POTEB3: variants seen among roughly 807,000 people sequenced by gnomAD.
The protein encoded by POTEB3 is ANKRD26-like family B member 1.
A neutral mutation model predicts 39.8 loss-of-function variants in POTEB3; 5 were observed. That is an observed-to-expected ratio of 0.13 (90% CI 0.07 to 0.26). POTEB3 has a LOEUF of 0.26. POTEB3 is among the 10% of genes least tolerant of loss of function. POTEB3 has a pLI of 1.00. For missense variants in POTEB3, 24 were observed against 475.6 expected (o/e 0.05, Z 8.83); for synonymous variants, 5 against 161.5 (o/e 0.03, Z 7.35).
chr15:21,426,085 CA>C (rs1349533487), intron 6 of POTEB3: 2 of 381,544 alleles, frequency 5.2e-6, no homozygotes, highest in Non-Finnish European at 5.1e-6. Context: ...TTGGTACTAG[CA>C]AAAGTGAACT....
chr15:21,425,960 TTTCCCA>T (rs1166688723), intron 6 of POTEB3: 1 of 253,996 alleles, frequency 3.9e-6, no homozygotes, highest in Non-Finnish European at 7.9e-6. Flanking sequence ...ACCTGGTAAA[TTTCCCA>T]TGGCCCACAG....
rs1173746782 is a variant in POTEB3 at position 21,439,950 on chromosome 15, C to G, written c.62G>C (p.Arg21Thr). Reference protein sequence around the residue: ...ASAVKKPFDLRSKMGKWCHHR... With the variant: ...ASAVKKPFDLTSKMGKWCHHR... ...GTGGCACCACTTGCCCATCTTGCTCCTGAGATCAAATGGCTTCTTCACAGC... is the reference window on the plus strand; with the variant it reads ...GTGGCACCACTTGCCCATCTTGCTCGTGAGATCAAATGGCTTCTTCACAGC... The change falls in exon 1 of 11, where the codon AGG becomes ACG. Residue 21 changes from arginine to threonine, a missense_variant. Coordinates refer to ENST00000611217, the MANE Select transcript of POTEB3 (RefSeq NM_207355.5). The G allele has an allele frequency of 1.2e-6, 2 of 1,609,242 alleles. No individual in the cohort carries two copies. The highest frequency in any genetic ancestry group is 1.7e-6 in the Non-Finnish European group (2 of 1,177,462).
At position 21,422,848 on chromosome 15, in the gene POTEB3, A is replaced by T. The variant is rs1335701196; in HGVS notation, c.1127-658T>A. ...GATTAACTGCCTTTGTTCTGCTTCT[A>T]TAAGTTTGCCTATATAAGCCAAGCC... is the stretch of plus-strand genomic sequence containing the variant. On this transcript the variant is annotated intron_variant, in intron 6 of 10. Coordinates refer to ENST00000611217, the MANE Select transcript of POTEB3 (RefSeq NM_207355.5). Among the ~76,000 whole-genome samples the T allele has an allele frequency of 2.0e-3, 298 of 150,576 alleles. 1 individual carries two copies. The highest frequency in any genetic ancestry group is 6.6e-3 in the African/African-American group (269 of 40,630).
intron 8 of POTEB3, among the ~76,000 whole-genome samples, chr15:21,419,898 G>A (rs1898466432): frequency 1.5e-5 from 2 of 134,610 alleles, no homozygotes; most frequent in Non-Finnish European, 3.2e-5. Flanking sequence ...TTCAAAAAGG[G>A]CCCTCCTTCA....
intron 9 of POTEB3, 71 bp from the exon 10 acceptor site, chr15:21,411,072 C>T: frequency 9.8e-7 from 1 of 1,021,608 alleles, no homozygotes; most frequent in East Asian, 4.2e-5. Flanking sequence ...AAGATGGCAC[C>T]ATCAGATGTC....
intron 6 of POTEB3, among the ~76,000 whole-genome samples, chr15:21,422,786 C>T (rs1222522452): frequency 2.2e-4 from 34 of 151,550 alleles, no homozygotes; most frequent in Non-Finnish European, 3.0e-4. Context: ...GCTGCAAGGT[C>T]GCAAGCTATG....
In POTEB3 at chr15:21,419,817, G is replaced by A. The variant is rs1251632434; in HGVS notation, c.1243-187C>T. Reference sequence around the variant, plus strand: ...TTAAGATGTAATTATCATGTCATTAGTATATCACTGAAATTTTTGTAGTTT... The same window carrying A: ...TTAAGATGTAATTATCATGTCATTAATATATCACTGAAATTTTTGTAGTTT... On this transcript the variant is annotated intron_variant, in intron 8 of 10. Coordinates refer to ENST00000611217, the MANE Select transcript of POTEB3 (RefSeq NM_207355.5). Among the ~76,000 whole-genome samples, 15 of 140,308 alleles carry A rather than the reference G, an allele frequency of 1.1e-4. 1 individual carries two copies. Among genetic ancestry groups the A allele is most frequent in the Admixed American group, 5.7e-4 (8 of 14,006 alleles). The allele number at this position is 140,308 out of a possible 152,430, so 92.0% of individuals were successfully genotyped here. A position where few individuals can be genotyped will look rare whatever the true frequency, so the allele number is the denominator to read the frequency against.
intron 3 of POTEB3, among the ~76,000 whole-genome samples, chr15:21,432,591 G>T (rs202154851): frequency 2.5e-4 from 10 of 39,774 alleles, no homozygotes; most frequent in Non-Finnish European, 3.4e-4. Context: ...ACAATTCTGA[G>T]AAAACTCTGC....
At position 21,405,772 on chromosome 15, in the gene POTEB3, G is replaced by A. The variant is rs1898218080; in HGVS notation, c.*3211C>T. ...TTAATTTTGCTGGACATGAAATTCC[G>A]GGTTGAAATTTCTTTTCTTTAAGAT... On this transcript the variant is annotated 3_prime_UTR_variant, in exon 11 of 11. Coordinates refer to ENST00000611217, the MANE Select transcript of POTEB3 (RefSeq NM_207355.5). Among the ~76,000 whole-genome samples, 5 of 83,376 alleles carry A rather than the reference G, an allele frequency of 6.0e-5. 1 individual carries two copies. The highest frequency in any genetic ancestry group is 2.9e-4 in the Admixed American group (3 of 10,236). The allele number at this position is 83,376 out of a possible 152,430, so 54.7% of individuals were successfully genotyped here. A position where few individuals can be genotyped will look rare whatever the true frequency, so the allele number is the denominator to read the frequency against.
intron 10 of POTEB3, among the ~76,000 whole-genome samples, 128 bp downstream of exon 10, chr15:21,410,721 CAGGGGGTGTGTGTGTGTGTGTGTATATAT>C (rs1398395213): frequency 2.6e-5 from 2 of 78,130 alleles, no homozygotes; most frequent in South Asian, 3.2e-4. Flanking sequence ...CAAGGATATA[CAGGGGGTGTGTGTGTGTGTGTGTATATAT>C]ACACACACAC....
intron 7 of POTEB3, among the ~76,000 whole-genome samples, chr15:21,421,753 CA>C (rs1199785139): frequency 6.8e-6 from 1 of 148,102 alleles, no homozygotes; most frequent in African/African-American, 2.5e-5. Flanking sequence ...AATAAAAGAA[CA>C]AACAAAGGTC....
rs1898453073 is a variant in POTEB3, at chr15:21,419,492, G to A, written c.1381C>T (p.Pro461Ser). Residue 461 changes from proline to serine, a missense_variant, in exon 9 of 11, where the codon CCT becomes TCT. Transcript: ENST00000611217. ...KSRKPENQQF[P>S]DTENEEYHSD... ...TGATACTCTTCATTCTCAGTGTCAG[G>A]AAATTGCTGATTTTCAGGTTTTCTG... 4 of 799,204 alleles carry A rather than the reference G, an allele frequency of 5.0e-6. 1 individual carries two copies. Among genetic ancestry groups the A allele is most frequent in the South Asian group, 3.4e-5 (2 of 57,972 alleles). The allele number at this position is 799,204 out of a possible 1,614,324, so 49.5% of individuals were successfully genotyped here. A position where few individuals can be genotyped will look rare whatever the true frequency, so the allele number is the denominator to read the frequency against.
intron 10 of POTEB3, among the ~76,000 whole-genome samples, 198 bp from the exon 11 acceptor site, chr15:21,409,393 C>A: frequency 1.6e-5 from 1 of 63,912 alleles, no homozygotes; most frequent in East Asian, 4.1e-4. Context: ...ATCTAAAGAC[C>A]ATGAAAAATA....
chr15:21,433,705 CT>C (rs1296582217), intron 3 of POTEB3, among the ~76,000 whole-genome samples: 1 of 149,062 alleles, frequency 6.7e-6, no homozygotes, highest in African/African-American at 2.5e-5. Context: ...CCAACCTGAT[CT>C]TTTTACTTAT....
At chr15:21,434,055 AC>A (rs2141373314) in intron 3 of POTEB3, among the ~76,000 whole-genome samples, 3 of 102,072 alleles carry the variant, frequency 2.9e-5, no homozygotes, top group African/African-American at 1.0e-4. Flanking sequence ...ACACACACAC[AC>A]ACACACACAA....
rs1213546094 is a variant in POTEB3, at chr15:21,417,913, A to C, written c.1409+1551T>G. Among the ~76,000 whole-genome samples, 3 of 108,114 alleles carry C rather than the reference A, an allele frequency of 2.8e-5. 1 individual carries two copies. The highest frequency in any genetic ancestry group is 2.5e-4 in the Admixed American group (3 of 12,118). The allele number at this position is 108,114 out of a possible 152,430, so 70.9% of individuals were successfully genotyped here. ...CACTTTTATAAATAAGTGTTACTGC[A>C]TTAGCAGCACCTTCCTTTTAGCACA... is the stretch of plus-strand genomic sequence containing the variant. On this transcript the variant is annotated intron_variant, in intron 9 of 10. Coordinates refer to ENST00000611217, the MANE Select transcript of POTEB3 (RefSeq NM_207355.5).
At chr15:21,425,052 C>A (rs1465485955) in intron 6 of POTEB3, 3 of 147,426 alleles carry the variant, frequency 2.0e-5, no homozygotes, top group South Asian at 4.2e-4. Flanking sequence ...TCACCATGGG[C>A]AGGTGAAAAC....
At chr15:21,422,698 C>A (rs1386357010) in intron 6 of POTEB3, among the ~76,000 whole-genome samples, 1 of 149,848 alleles carries the variant, frequency 6.7e-6, no homozygotes, top group African/African-American at 2.5e-5. Context: ...TTTACCATCT[C>A]CCCTCCCCCT....
rs1218648692 is a variant in POTEB3, at chr15:21,424,952, G to GA, written c.1126+2732dup. On this transcript the variant is annotated intron_variant, in intron 6 of 10. Coordinates refer to ENST00000611217, the MANE Select transcript of POTEB3 (RefSeq NM_207355.5). ...CAACTATTAATGTTATTTCTCACAT[G>GA]AAAAAAATTAAGCAAAACAAATGAA... 2 of 146,714 alleles carry GA rather than the reference G, an allele frequency of 1.4e-5. 1 individual carries two copies. Among genetic ancestry groups the GA allele is most frequent in the Non-Finnish European group, 3.0e-5 (2 of 66,110 alleles). The allele number at this position is 146,714 out of a possible 1,614,324, so 9.1% of individuals were successfully genotyped here.
Sources: gnomAD v4.1 joint callset for allele counts (sites outside exome capture counted in the v4.1 genomes callset) on GRCh38, gnomAD v4.1.1 for gene constraint, MANE v1.5 for transcripts, NCBI Gene and HGNC (gene_info 2026-07-23, HGNC 2026-07-21) for gene names.